GALNT2: variants seen among roughly 807,000 people sequenced by gnomAD.
GALNT2 encodes polypeptide N-acetylgalactosaminyltransferase 2.
In GALNT2, 31 loss-of-function variants were observed where a neutral mutation model predicts 81.4. The ratio of observed to expected loss-of-function variants is 0.38; its 90% CI spans 0.29 to 0.51. The LOEUF (loss-of-function observed/expected upper bound fraction) is 0.51. Among genes scored for constraint, GALNT2 ranks in the 20% least tolerant of loss-of-function variants. The probability of loss-of-function intolerance (pLI) is 0.87; values close to 1 mark genes in which losing one functional copy is unlikely to be tolerated. For synonymous variants in GALNT2, 303 were observed against 287.4 expected (o/e 1.05, Z -0.55); for missense variants, 629 against 765.7 (o/e 0.82, Z 2.11).
chr1:230,257,550 G>A lies in GALNT2; in HGVS notation c.1136+2206G>A, dbSNP rs1196341023. ...GTTTGTAGCCTAGAAGCAATAGGCT[G>A]TACCATGTAGCCTAGGTGTATATTA... On this transcript the variant is annotated intron_variant, in intron 11 of 15. Coordinates refer to ENST00000366672, the MANE Select transcript of GALNT2 (RefSeq NM_004481.5). The surrounding 1 kb of genome is among the most constrained non-coding windows in gnomAD (Gnocchi z 4.6). 6.6e-6 allele frequency among the ~76,000 whole-genome samples: 1 copy of A among 152,234 alleles called. No homozygotes were observed. Among genetic ancestry groups the A allele is most frequent in the African/African-American group, 2.4e-5 (1 of 41,454 alleles).
intron 1 of GALNT2, among the ~76,000 whole-genome samples, chr1:230,084,254 C>T (rs1425070508): frequency 6.6e-6 from 1 of 152,048 alleles, no homozygotes; most frequent in South Asian, 2.1e-4. Flanking sequence ...GGGACGGTCA[C>T]GCCAATATCA....
chr1:230,073,240 T>G (rs1218386602), intron 1 of GALNT2, among the ~76,000 whole-genome samples: 1 of 152,216 alleles, frequency 6.6e-6, no homozygotes, highest in Admixed American at 6.5e-5. Flanking sequence ...GTGTGAAGAT[T>G]CCTTTACCTT....
In GALNT2 at chr1:230,279,861, A is replaced by G. The variant is rs1666389244; in HGVS notation, c.*403A>G. The G allele has an allele frequency of 2.2e-6, 1 of 464,992 alleles. No individual in the cohort carries two copies. Among genetic ancestry groups the G allele is most frequent in the Non-Finnish European group, 4.3e-6 (1 of 233,358 alleles). The allele number at this position is 464,992 out of a possible 1,614,324, so 28.8% of individuals were successfully genotyped here. A position where few individuals can be genotyped will look rare whatever the true frequency, so the allele number is the denominator to read the frequency against. On this transcript the variant is annotated 3_prime_UTR_variant, in exon 16 of 16. Transcript: ENST00000366672. This position sits in a 1 kb window ranked among gnomAD's most constrained non-coding sequence, Gnocchi z 4.6. ...CACATGCCCCAGGGGAGCGAGGAGA[A>G]CTCTTGAAATCTCCATTTTCAATCC...
intron 1 of GALNT2, among the ~76,000 whole-genome samples, chr1:230,069,813 A>AT (rs1659321054): frequency 6.6e-6 from 1 of 152,216 alleles, no homozygotes; most frequent in African/African-American, 2.4e-5. Flanking sequence ...TTTTAGAGAT[A>AT]AGTGGACCTA....
Position 230,262,740 on chromosome 1 carries a change from C to T in GALNT2, c.1229+75C>T, listed in dbSNP as rs540607498. On this transcript the variant is annotated intron_variant, in intron 12 of 15. Transcript: ENST00000366672. ...GGGGGTGGGAGGTAAGGGGCTGCCC[C>T]CAGCGTTGAATTCAGCTACCCAGGT... 225 of 1,451,898 alleles carry T rather than the reference C, an allele frequency of 1.5e-4. 1 individual carries two copies. In the South Asian group the frequency reaches 2.4e-3, roughly 15 times the overall value. 89.9% of individuals were successfully genotyped at this position (1,451,898 alleles called of 1,614,324 possible). A position where few individuals can be genotyped will look rare whatever the true frequency, so the allele number is the denominator to read the frequency against.
chr1:230,258,821 A>G (rs945026916), intron 11 of GALNT2: 3 of 152,234 alleles, frequency 2.0e-5, no homozygotes, highest in Admixed American at 2.0e-4. Context: ...TTATATAGAC[A>G]TATCAGACGC....
At chr1:230,213,466 T>C (rs888083975) in intron 3 of GALNT2, among the ~76,000 whole-genome samples, 4 of 152,252 alleles carry the variant, frequency 2.6e-5, no homozygotes, top group Non-Finnish European at 4.4e-5. Flanking sequence ...GTTTCATGTT[T>C]TTGCATGGTA....
At chr1:230,131,830 A>G (rs537247787) in intron 1 of GALNT2, among the ~76,000 whole-genome samples, 11 of 152,336 alleles carry the variant, frequency 7.2e-5, no homozygotes, top group African/African-American at 2.6e-4. Context: ...TAAATGCAGA[A>G]TGTTGGCAAA....
chr1:230,144,604 G>C (rs1325155272), intron 1 of GALNT2, among the ~76,000 whole-genome samples: 2 of 152,106 alleles, frequency 1.3e-5, no homozygotes, highest in African/African-American at 4.8e-5. Context: ...CACCCACCAG[G>C]ATTTCGCCAT....
chr1:230,089,444 T>TGCCC (rs1205191065), intron 1 of GALNT2, among the ~76,000 whole-genome samples: 1 of 152,170 alleles, frequency 6.6e-6, no homozygotes, highest in African/African-American at 2.4e-5. Context: ...TGAGCCGCAG[T>TGCCC]GCCCATAACC....
intron 3 of GALNT2, among the ~76,000 whole-genome samples, chr1:230,225,710 A>G (rs1309943546): frequency 6.8e-6 from 1 of 146,920 alleles, no homozygotes; most frequent in Non-Finnish European, 1.5e-5. Context: ...TCTGTGCTAT[A>G]TGGTCCATAC....
intron 15 of GALNT2, among the ~76,000 whole-genome samples, chr1:230,276,080 T>C (rs956554004): frequency 6.7e-6 from 1 of 149,776 alleles, no homozygotes; most frequent in African/African-American, 2.5e-5. Context: ...ACATGCCACA[T>C]ATATATACAT....
chr1:230,107,614 G>A (rs1313777550), intron 1 of GALNT2, among the ~76,000 whole-genome samples: 1 of 143,692 alleles, frequency 7.0e-6, no homozygotes, highest in Non-Finnish European at 1.5e-5. Context: ...TGGACTTTGT[G>A]TGTGTGTGTG....
chr1:230,160,485 G>A (rs772797920), intron 1 of GALNT2, among the ~76,000 whole-genome samples: 9 of 152,142 alleles, frequency 5.9e-5, no homozygotes, highest in Non-Finnish European at 1.3e-4. Flanking sequence ...GCCAAGGCAG[G>A]TGGATCACCT....
At chr1:230,081,171 C>G (rs1030927361) in intron 1 of GALNT2, among the ~76,000 whole-genome samples, 1 of 152,172 alleles carries the variant, frequency 6.6e-6, no homozygotes, top group Non-Finnish European at 1.5e-5. Flanking sequence ...GAAGGGGCTC[C>G]TGCAGCCCTT....
intron 1 of GALNT2, among the ~76,000 whole-genome samples, chr1:230,150,037 A>G (rs934023547): frequency 9.9e-5 from 15 of 152,222 alleles, no homozygotes; most frequent in African/African-American, 3.6e-4. Context: ...AGAGGTTGAC[A>G]GCCACACAGT....
chr1:230,226,692 T>G (rs1664724236), intron 3 of GALNT2, among the ~76,000 whole-genome samples: 1 of 152,208 alleles, frequency 6.6e-6, no homozygotes, highest in Admixed American at 6.5e-5. Flanking sequence ...CTCCCAAAGT[T>G]AGGGGAGCCA....
At chr1:230,158,968 C>A (rs4846913) in intron 1 of GALNT2, among the ~76,000 whole-genome samples, 67,786 of 152,082 alleles carry the variant, frequency 0.45, 18,203 homozygotes, top group Non-Finnish European at 0.6. Context: ...GTGGCCTCTG[C>A]AGCAATTTAT....
At chr1:230,274,712 G>A (rs1423994282) in intron 15 of GALNT2, 148 bp downstream of exon 15, 2 of 938,736 alleles carry the variant, frequency 2.1e-6, no homozygotes, top group Non-Finnish European at 1.5e-6. Flanking sequence ...ATAATGTCTA[G>A]CTGCCCTATT....
Sources: gnomAD v4.1 joint callset for allele counts (sites outside exome capture counted in the v4.1 genomes callset) on GRCh38, gnomAD v4.1.1 for gene constraint, Gnocchi (gnomAD v3.1) non-coding constraint, MANE v1.5 for transcripts, NCBI Gene and HGNC (gene_info 2026-07-23, HGNC 2026-07-21) for gene names.